Variants in NRXN1 observed in about 807,000 individuals in gnomAD.
The protein encoded by NRXN1 is neurexin 1.
A neutral mutation model predicts 150.9 loss-of-function variants in NRXN1; 39 were observed. That is an observed-to-expected ratio of 0.26 (90% CI 0.20 to 0.34). NRXN1 has a LOEUF of 0.34. Among genes scored for constraint, NRXN1 ranks in the 10% least tolerant of loss-of-function variants. The pLI, the probability that NRXN1 is intolerant of heterozygous loss-of-function variation, is 1.00. For synonymous variants in NRXN1, 924 were observed against 757.0 expected, an observed-to-expected ratio of 1.22 and a Z score of -3.62; for missense variants, 1,815 against 1,949.9, an observed-to-expected ratio of 0.93 and a Z score of 1.30.
chr2:50,330,128 A>G lies in NRXN1; in HGVS notation c.3365-93158T>C, dbSNP rs562886242. Among the ~76,000 whole-genome samples the G allele has an allele frequency of 1.2e-4, 19 of 152,276 alleles. No homozygotes were observed. In the East Asian group the frequency reaches 3.7e-3, roughly 29 times the overall value. ...CAAAAGATGTGTATGATGCCATATTAGTTTTTTTAAAAAGGTTGCAATACA... is the reference window on the plus strand; with the variant it reads ...CAAAAGATGTGTATGATGCCATATTGGTTTTTTTAAAAAGGTTGCAATACA... On this transcript the variant is annotated intron_variant, in intron 17 of 22. Transcript: ENST00000401669.
chr2:50,338,324 T>C (rs13397180), intron 17 of NRXN1, among the ~76,000 whole-genome samples: 59,021 of 151,884 alleles, frequency 0.39, 15,274 homozygotes, highest in African/African-American at 0.73. Context: ...ATCTAGAAAA[T>C]GATCAATTTT....
At chr2:50,072,627 T>G (rs1037687678) in intron 19 of NRXN1, among the ~76,000 whole-genome samples, 2 of 151,956 alleles carry the variant, frequency 1.3e-5, no homozygotes, top group African/African-American at 4.8e-5. Flanking sequence ...AACAGCAACT[T>G]TCACTGTTAA....
At chr2:50,869,945 C>A (rs902729506) in intron 5 of NRXN1, among the ~76,000 whole-genome samples, 3 of 151,812 alleles carry the variant, frequency 2.0e-5, no homozygotes, top group Non-Finnish European at 4.4e-5. Flanking sequence ...AATACCATGA[C>A]AAGTTTGGGG....
chr2:50,304,556 T>C (rs7566457), intron 17 of NRXN1, among the ~76,000 whole-genome samples: 132,528 of 152,158 alleles, frequency 0.87, 58,060 homozygotes, highest in African/African-American at 0.97. Flanking sequence ...TCACTTTTTA[T>C]AGCTGGGTAA....
At chr2:49,926,162 A>C (rs1669072750) in intron 22 of NRXN1, 2 of 392,612 alleles carry the variant, frequency 5.1e-6, no homozygotes, top group Non-Finnish European at 9.0e-6. Flanking sequence ...TAGCAAGGAA[A>C]TAGAGCAGTA....
intron 18 of NRXN1, among the ~76,000 whole-genome samples, chr2:50,156,376 G>T (rs1211789197): frequency 6.6e-6 from 1 of 151,844 alleles, no homozygotes; most frequent in Non-Finnish European, 1.5e-5. Flanking sequence ...TGTGTTTTAG[G>T]TTAGGTTTTA....
At chr2:50,919,457 C>A (rs563167463) in intron 5 of NRXN1, 1 of 151,522 alleles carries the variant, frequency 6.6e-6, no homozygotes, top group Non-Finnish European at 1.5e-5. Flanking sequence ...AAGAAGAAAT[C>A]AAAATAATGA....
intron 8 of NRXN1, among the ~76,000 whole-genome samples, chr2:50,607,534 A>C (rs1677334362): frequency 6.6e-6 from 1 of 152,202 alleles, no homozygotes. Context: ...AGTCATTAAA[A>C]TGGAAATAAA....
chr2:50,956,663 A>C (rs1313526026), intron 2 of NRXN1, among the ~76,000 whole-genome samples: 5 of 152,022 alleles, frequency 3.3e-5, no homozygotes, highest in Non-Finnish European at 7.4e-5. Context: ...CAGGAGAATC[A>C]CTTGAACTCA....
chr2:50,142,886 C>A (rs565883102), intron 18 of NRXN1, among the ~76,000 whole-genome samples: 1 of 151,820 alleles, frequency 6.6e-6, no homozygotes, highest in African/African-American at 2.4e-5. Flanking sequence ...AGGCATAGAA[C>A]CTACAAAGAA....
chr2:50,296,345 C>A lies in NRXN1; in HGVS notation c.3365-59375G>T, dbSNP rs75285316. Among the ~76,000 whole-genome samples, 918 of 152,172 alleles carry A rather than the reference C, an allele frequency of 6.0e-3. 15 individuals are homozygous for A. The highest frequency in any genetic ancestry group is 0.021 in the African/African-American group (890 of 41,496). On this transcript the variant is annotated intron_variant, in intron 17 of 22. Coordinates refer to ENST00000401669, the MANE Select transcript of NRXN1 (RefSeq NM_001330078.2). ...ATGCAATTGCCACAAGAGTTGTGAACAACATCTTTTTTGTTCTTTCTTTTT... is the reference window on the plus strand; with the variant it reads ...ATGCAATTGCCACAAGAGTTGTGAAAAACATCTTTTTTGTTCTTTCTTTTT...
chr2:50,356,434 A>G (rs1246852032), intron 17 of NRXN1, among the ~76,000 whole-genome samples: 1 of 152,234 alleles, frequency 6.6e-6, no homozygotes, highest in Non-Finnish European at 1.5e-5. Flanking sequence ...TAAGAAATAT[A>G]TGACCTCTGA....
At chr2:50,827,527 C>T (rs1670621053) in intron 5 of NRXN1, among the ~76,000 whole-genome samples, 1 of 150,248 alleles carries the variant, frequency 6.7e-6, no homozygotes, top group Admixed American at 6.6e-5. Flanking sequence ...AAAGTAAACT[C>T]TTTTAAAGAC....
At chr2:50,273,689 A>C (rs2152925162) in intron 17 of NRXN1, among the ~76,000 whole-genome samples, 1 of 152,294 alleles carries the variant, frequency 6.6e-6, no homozygotes, top group South Asian at 2.1e-4. Flanking sequence ...ATATTTATAT[A>C]CACAACCCAA....
chr2:50,534,649 C>T (rs726359), intron 10 of NRXN1, among the ~76,000 whole-genome samples: 47,737 of 151,982 alleles, frequency 0.31, 7,870 homozygotes, highest in East Asian at 0.57. Flanking sequence ...AAGCAACAAG[C>T]ACCCGAATAA....
chr2:50,410,513 G>A (rs369657204), intron 17 of NRXN1, among the ~76,000 whole-genome samples: 2 of 152,100 alleles, frequency 1.3e-5, no homozygotes, highest in Non-Finnish European at 2.9e-5. Flanking sequence ...TAAGCTCCTG[G>A]AGCAAAGAAC....
At chr2:49,999,568 G>T (rs1683564400) in intron 21 of NRXN1, among the ~76,000 whole-genome samples, 1 of 152,062 alleles carries the variant, frequency 6.6e-6, no homozygotes, top group African/African-American at 2.4e-5. Context: ...ATTCTTTGTT[G>T]CATCAATTTT....
intron 5 of NRXN1, among the ~76,000 whole-genome samples, chr2:50,716,866 T>C (rs899463734): frequency 6.6e-6 from 1 of 152,192 alleles, no homozygotes; most frequent in Non-Finnish European, 1.5e-5. Flanking sequence ...TATAATATTT[T>C]ATGATGTCTC....
At chr2:50,855,942 T>C (rs1258665101) in intron 5 of NRXN1, among the ~76,000 whole-genome samples, 3 of 151,640 alleles carry the variant, frequency 2.0e-5, no homozygotes, top group Non-Finnish European at 2.9e-5. Flanking sequence ...TTAGAATCTA[T>C]ACCGCCTTCC....
Sources: allele counts gnomAD v4.1 joint callset (sites outside exome capture counted in the v4.1 genomes callset), GRCh38; gene constraint gnomAD v4.1.1; transcripts MANE v1.5; gene names NCBI Gene and HGNC (gene_info 2026-07-23, HGNC 2026-07-21).